ACVRL1: variants seen among roughly 807,000 people sequenced by gnomAD.
The protein encoded by ACVRL1 is activin receptor type-1-like.
ACVRL1 carries 20 observed loss-of-function variants against 51.9 expected under a neutral mutation model. That is an observed-to-expected ratio of 0.39 (90% confidence interval 0.27 to 0.56). The LOEUF is 0.56. Among genes scored for constraint, ACVRL1 ranks in the 20% least tolerant of loss-of-function variants. The pLI, the probability that ACVRL1 is intolerant of heterozygous loss-of-function variation, is 0.67. For synonymous variants in ACVRL1, 288 were observed against 280.9 expected, an observed-to-expected ratio of 1.03 and a Z score of -0.25; for missense variants, 451 against 670.3, an observed-to-expected ratio of 0.67 and a Z score of 3.61.
chr12:51,922,930 C>G lies in ACVRL1; in HGVS notation c.*2037C>G. The G allele has an allele frequency of 6.6e-6, 1 of 152,666 alleles. No homozygotes were observed. The highest frequency in any genetic ancestry group is 1.9e-4 in the East Asian group (1 of 5,198). The allele number at this position is 152,666 out of a possible 1,614,324, so 9.5% of individuals were successfully genotyped here. On this transcript the variant is annotated 3_prime_UTR_variant, in exon 10 of 10. Coordinates refer to ENST00000388922, the MANE Select transcript of ACVRL1 (RefSeq NM_000020.3). ...TGAAACTGGGTGAAAACAGAAAGCT[C>G]AATGGATGGGCTAGGTTCCCAGATC...
Position 51,920,983 on chromosome 12 carries a change from G to A in ACVRL1, c.*90G>A. The A allele has an allele frequency of 6.9e-7, 1 of 1,439,206 alleles. No individual in the cohort carries two copies. Among genetic ancestry groups the A allele is most frequent in the East Asian group, 2.5e-5 (1 of 40,384 alleles). 89.2% of individuals were successfully genotyped at this position (1,439,206 alleles called of 1,614,324 possible). On this transcript the variant is annotated 3_prime_UTR_variant, in exon 10 of 10. Coordinates refer to ENST00000388922, the MANE Select transcript of ACVRL1 (RefSeq NM_000020.3). ...CCCTATCTGGGTAGAGGTAGTGTGA[G>A]TGTGGTGTGTGCTGGGGATGGGCAG...
chr12:51,916,607 C>T (rs944873572), intron 8 of ACVRL1, among the ~76,000 whole-genome samples: 2 of 152,222 alleles, frequency 1.3e-5, no homozygotes, highest in African/African-American at 4.8e-5. Flanking sequence ...GGCTTGGAAT[C>T]AGACTTCCTG....
intron 2 of ACVRL1, 107 bp from the exon 3 acceptor site, chr12:51,912,992 G>T: frequency 1.4e-6 from 2 of 1,470,620 alleles, no homozygotes; most frequent in East Asian, 2.4e-5. Flanking sequence ...GCTTCAAGGT[G>T]TTTGTCTGAG....
At chr12:51,914,700 C>T in intron 6 of ACVRL1, 115 bp downstream of exon 6, 4 of 727,746 alleles carry the variant, frequency 5.5e-6, no homozygotes, top group Non-Finnish European at 8.2e-6. Context: ...AGCCCACCTG[C>T]AGCATCAACC....
chr12:51,915,950 CA>C (rs1256443204), intron 7 of ACVRL1, 85 bp from the exon 8 acceptor site: 2 of 1,459,326 alleles, frequency 1.4e-6, no homozygotes, highest in African/African-American at 2.8e-5. Flanking sequence ...CTCTCTGTCC[CA>C]CTGTTTCTCT....
chr12:51,922,307 C>T lies in ACVRL1; in HGVS notation c.*1414C>T, dbSNP rs1393511754. On this transcript the variant is annotated 3_prime_UTR_variant, in exon 10 of 10. Coordinates refer to ENST00000388922, the MANE Select transcript of ACVRL1 (RefSeq NM_000020.3). ...GCCAGTGGCCACCCTTGGGCTCAGA[C>T]AGCTCTGGGCCTTTTGACCACAAGC... The T allele has an allele frequency of 6.6e-6, 1 of 152,278 alleles. No individual in the cohort carries two copies. Among genetic ancestry groups the T allele is most frequent in the Admixed American group, 6.5e-5 (1 of 15,288 alleles). The allele number at this position is 152,278 out of a possible 1,614,324, so 9.4% of individuals were successfully genotyped here.
rs527878177 is a variant in ACVRL1 at position 51,910,726 on chromosome 12, C to T, written c.-5-1744C>T. ...AGATTCAGCTCCTCTAGGGTGCTCT[C>T]TCCATCCCATCCCACCGTCAGTCCT... On this transcript the variant is annotated intron_variant, in intron 1 of 9. Coordinates refer to ENST00000388922, the MANE Select transcript of ACVRL1 (RefSeq NM_000020.3). Among the ~76,000 whole-genome samples the T allele has an allele frequency of 7.2e-5, 11 of 152,338 alleles. No individual in the cohort carries two copies. In the South Asian group the frequency reaches 1.9e-3, roughly 26 times the overall value.
At chr12:51,914,356 G>A (rs1940776764) in intron 5 of ACVRL1, 83 bp from the exon 6 acceptor site, 11 of 1,592,712 alleles carry the variant, frequency 6.9e-6, no homozygotes, top group Non-Finnish European at 9.4e-6. Flanking sequence ...GGGCGAGGGA[G>A]GCAGCGCAGC....
Position 51,913,988 on chromosome 12 carries a change from T to C in ACVRL1, c.540T>C (p.Ser180=). 6.2e-7 allele frequency: 1 copy of C among 1,613,546 alleles called. No individual in the cohort carries two copies. The highest frequency in any genetic ancestry group is 8.5e-7 in the Non-Finnish European group (1 of 1,179,764). ...CGTACCCCCAGGACCTCCTGGACAG[T>C]GACTGCACCACAGGGAGTGGCTCAG... is the stretch of plus-strand genomic sequence containing the variant. ...GDSMLGDLLD[S]DCTTGSGSGL... The change falls in exon 5 of 10, where the codon AGT becomes AGC. Residue 180 remains serine (S), a synonymous_variant. Coordinates refer to ENST00000388922, the MANE Select transcript of ACVRL1 (RefSeq NM_000020.3).
intron 7 of ACVRL1, 143 bp from the exon 8 acceptor site, chr12:51,915,893 C>G: frequency 2.3e-6 from 2 of 868,012 alleles, no homozygotes; most frequent in South Asian, 3.5e-5. Context: ...CTCTCTGTGG[C>G]CACTGCCTTC....
At chr12:51,913,435 T>G in intron 3 of ACVRL1, 85 bp downstream of exon 3, 1 of 1,405,834 alleles carries the variant, frequency 7.1e-7, no homozygotes, top group Non-Finnish European at 9.7e-7. Context: ...CTCTGGCCAA[T>G]AAAGGGGCTG....
chr12:51,917,199 G>A lies in ACVRL1; in HGVS notation c.1246+966G>A, dbSNP rs550270338. On this transcript the variant is annotated intron_variant, in intron 8 of 9. Transcript: ENST00000388922. The surrounding 1 kb of genome is among the most constrained non-coding windows in gnomAD (Gnocchi z 4.2). ...TGAGGCAGCATCAGGGTCCGAAACC[G>A]GGCAGTCTGCCCCGGGGCCAGTGCT... Among the ~76,000 whole-genome samples, 6 of 152,188 alleles carry A rather than the reference G, an allele frequency of 3.9e-5. No individual in the cohort carries two copies. Among genetic ancestry groups the A allele is most frequent in the East Asian group, 3.9e-4 (2 of 5,190 alleles).
At chr12:51,916,347 A>C (rs1435106862) in intron 8 of ACVRL1, 114 bp downstream of exon 8, 16 of 1,148,382 alleles carry the variant, frequency 1.4e-5, no homozygotes, top group South Asian at 4.4e-5. Context: ...ACCTCCTGGC[A>C]CCCCTTCCAT....
chr12:51,919,204 C>T, intron 9 of ACVRL1, 89 bp downstream of exon 9: 1 of 1,586,988 alleles, frequency 6.3e-7, no homozygotes. Context: ...GAGGCCTCTG[C>T]TTCATCTCAT....
chr12:51,912,765 G>A (rs1399838750), intron 2 of ACVRL1, among the ~76,000 whole-genome samples: 1 of 152,130 alleles, frequency 6.6e-6, no homozygotes, highest in Non-Finnish European at 1.5e-5. Context: ...TCAGACTAGG[G>A]TGGAAGCCTA....
rs2139067433 is a variant in ACVRL1 at position 51,913,662 on chromosome 12, C to A, written c.417C>A (p.Gly139=). The A allele has an allele frequency of 6.2e-7, 1 of 1,609,226 alleles. No individual in the cohort carries two copies. The highest frequency in any genetic ancestry group is 8.5e-7 in the Non-Finnish European group (1 of 1,179,980). The change falls in exon 4 of 10, where the codon GGC becomes GGA. Residue 139 remains glycine, a synonymous_variant. Transcript: ENST00000388922. ...CCCTGGTGGCCCTGGGTGTCCTGGG[C>A]CTGTGGCATGTCCGACGGAGGCAGG... ...LLALVALGVL[G]LWHVRRRQEK...
chr12:51,914,105 C>T, intron 5 of ACVRL1, 32 bp downstream of exon 5: 1 of 1,603,236 alleles, frequency 6.2e-7, no homozygotes. Flanking sequence ...TGGATGAGGA[C>T]CAAGGGCTCT....
In ACVRL1 at chr12:51,915,284, C is replaced by A; in HGVS notation, c.832C>A (p.His278Asn). ...NSSTQLWLIT[H>N]YHEHGSLYDF... ...GAGCACGCAGCTGTGGCTCATCACG[C>A]ACTACCACGAGCACGGCTCCCTCTA... The change falls in exon 7 of 10, where the codon CAC (histidine) becomes AAC (asparagine). Residue 278 changes from histidine (H) to asparagine (N), a missense_variant. Coordinates refer to ENST00000388922, the MANE Select transcript of ACVRL1 (RefSeq NM_000020.3). 1 of 1,614,190 alleles carries A rather than the reference C, an allele frequency of 6.2e-7. No individual in the cohort carries two copies. Among genetic ancestry groups the A allele is most frequent in the Non-Finnish European group, 8.5e-7 (1 of 1,180,046 alleles).
chr12:51,918,859 C>A, intron 8 of ACVRL1, 126 bp from the exon 9 acceptor site: 1 of 1,344,704 alleles, frequency 7.4e-7, no homozygotes, highest in Non-Finnish European at 1.1e-6. Flanking sequence ...CTGTCCCTCT[C>A]AGGGGTAGCG....
Sources: gnomAD v4.1 joint callset for allele counts (sites outside exome capture counted in the v4.1 genomes callset) on GRCh38, gnomAD v4.1.1 for gene constraint, Gnocchi (gnomAD v3.1) non-coding constraint, MANE v1.5 for transcripts, NCBI Gene and HGNC (gene_info 2026-07-23, HGNC 2026-07-21) for gene names.